PRDM6: variants seen among roughly 807,000 people sequenced by gnomAD.
The protein encoded by PRDM6 is PR/SET domain 6.
Under a neutral mutation model 60.8 loss-of-function variants are expected in PRDM6, and 25 were observed. That is an observed-to-expected ratio of 0.41 (90% CI 0.30 to 0.57). PRDM6 has a LOEUF of 0.57. Among genes scored for constraint, PRDM6 ranks in the 20% least tolerant of loss-of-function variants. PRDM6 has a pLI of 0.27. For missense variants in PRDM6, 839 were observed against 821.3 expected, an observed-to-expected ratio of 1.02 and a Z score of -0.26; for synonymous variants, 407 against 357.4, an observed-to-expected ratio of 1.14 and a Z score of -1.57.
In PRDM6 at chr5:123,183,765, G is replaced by A. The variant is rs142282228; in HGVS notation, c.1674-3322G>A. ...AGGAAGGAAGGAAATAAAGAAGTTA[G>A]TTGGCAGTCTAAAAATTATTCTATG... On this transcript the variant is annotated intron_variant, in intron 7 of 7. Transcript: ENST00000407847. Among the ~76,000 whole-genome samples the A allele has an allele frequency of 4.7e-3, 711 of 152,270 alleles. 6 individuals are homozygous for A. Among genetic ancestry groups the A allele is most frequent in the African/African-American group, 0.016 (683 of 41,548 alleles).
intron 3 of PRDM6, among the ~76,000 whole-genome samples, chr5:123,142,903 C>CAAAAAAAAAAAAAAAAAAAAAAAAA (rs1337695138): frequency 7.3e-5 from 5 of 68,128 alleles, no homozygotes; most frequent in Non-Finnish European, 1.1e-4. Context: ...AAAAAAAAAA[C>CAAAAAAAAAAAAAAAAAAAAAAAAA]AAACAAACCA....
chr5:123,183,216 T>C (rs973860632), intron 7 of PRDM6, among the ~76,000 whole-genome samples: 4 of 152,198 alleles, frequency 2.6e-5, no homozygotes, highest in African/African-American at 9.6e-5. Context: ...AACCCTCAAC[T>C]GTATGTCTTG....
At chr5:123,103,179 G>A (rs337124) in intron 3 of PRDM6, among the ~76,000 whole-genome samples, 14,219 of 151,912 alleles carry the variant, frequency 0.094, 866 homozygotes, top group East Asian at 0.26. Flanking sequence ...GGGTATTTAT[G>A]GGAAATTCCA....
At chr5:123,167,681 A>C (rs1451759186) in intron 5 of PRDM6, among the ~76,000 whole-genome samples, 2 of 152,146 alleles carry the variant, frequency 1.3e-5, no homozygotes, top group African/African-American at 2.4e-5. Context: ...GAGCCACCAC[A>C]TCCGGCTCAG....
intron 4 of PRDM6, 72 bp from the exon 5 acceptor site, chr5:123,159,442 G>T: frequency 6.7e-7 from 1 of 1,502,094 alleles, no homozygotes; most frequent in African/African-American, 1.4e-5. Context: ...CTTTTTCAGG[G>T]CAATAAAAAT....
intron 3 of PRDM6, among the ~76,000 whole-genome samples, chr5:123,102,017 A>T (rs1764115161): frequency 6.6e-6 from 1 of 152,220 alleles, no homozygotes; most frequent in Non-Finnish European, 1.5e-5. Context: ...CTCTGTTAGA[A>T]AAAAGACTTG....
rs565140451 is a variant in PRDM6, at chr5:123,102,612, C to G, written c.900+2651C>G. ...TTAGATGTCTTCCAGAATAGCAAGT[C>G]AACAAAATGTATTAAAAAAATTAAA... is the stretch of plus-strand genomic sequence containing the variant. On this transcript the variant is annotated intron_variant, in intron 3 of 7. Transcript: ENST00000407847. 4.6e-5 allele frequency among the ~76,000 whole-genome samples: 7 copies of G among 152,052 alleles called. No individual in the cohort carries two copies. In the East Asian group the frequency reaches 7.7e-4, roughly 17 times the overall value.
At chr5:123,175,606 T>A (rs555541273) in intron 6 of PRDM6, among the ~76,000 whole-genome samples, 1 of 152,294 alleles carries the variant, frequency 6.6e-6, no homozygotes, top group Admixed American at 6.5e-5. Flanking sequence ...TAGAACTGAG[T>A]TCTTTTCTCA....
chr5:123,106,639 T>C (rs573250646), intron 3 of PRDM6, among the ~76,000 whole-genome samples: 1 of 152,334 alleles, frequency 6.6e-6, no homozygotes, highest in Admixed American at 6.5e-5. Context: ...TGTGAAACTT[T>C]CATGGAAGTC....
intron 4 of PRDM6, among the ~76,000 whole-genome samples, chr5:123,158,957 T>C (rs1765568366): frequency 6.6e-6 from 1 of 152,190 alleles, no homozygotes; most frequent in Non-Finnish European, 1.5e-5. Flanking sequence ...ATTTATTGAA[T>C]TTCCATCCAT....
chr5:123,187,006 C>T, intron 7 of PRDM6, 81 bp from the exon 8 acceptor site: 5 of 1,040,936 alleles, frequency 4.8e-6, no homozygotes, highest in Middle Eastern at 4.8e-4. Flanking sequence ...AGTGTCTGTT[C>T]TGATTAGGCA....
Position 123,191,914 on chromosome 5 carries a change from C to T in PRDM6, c.*4713C>T, listed in dbSNP as rs901846071. 1.3e-5 allele frequency: 2 copies of T among 152,156 alleles called. No homozygotes were observed. Among genetic ancestry groups the T allele is most frequent in the Non-Finnish European group, 2.9e-5 (2 of 68,042 alleles). 9.4% of individuals were successfully genotyped at this position (152,156 alleles called of 1,614,324 possible). A position where few individuals can be genotyped will look rare whatever the true frequency, so the allele number is the denominator to read the frequency against. ...CAGATGTTTAACCTGTAGTCCATGG[C>T]TGTGTTTGACATTTAAAATATTTAT... On this transcript the variant is annotated 3_prime_UTR_variant, in exon 8 of 8. Coordinates refer to ENST00000407847, the MANE Select transcript of PRDM6 (RefSeq NM_001136239.4).
Position 123,187,240 on chromosome 5 carries a change from T to A in PRDM6, c.*39T>A. On this transcript the variant is annotated 3_prime_UTR_variant, in exon 8 of 8. Transcript: ENST00000407847. ...TGGAATTAAACTGCAAGGAAAGTCATGATTAAATGTCACGGACACTTAAGC... is the reference window on the plus strand; with the variant it reads ...TGGAATTAAACTGCAAGGAAAGTCAAGATTAAATGTCACGGACACTTAAGC... 2 of 1,460,808 alleles carry A rather than the reference T, an allele frequency of 1.4e-6. No individual in the cohort carries two copies. Among genetic ancestry groups the A allele is most frequent in the South Asian group, 2.4e-5 (2 of 81,932 alleles). The allele number at this position is 1,460,808 out of a possible 1,614,324, so 90.5% of individuals were successfully genotyped here.
At position 123,090,046 on chromosome 5, in the gene PRDM6, C is replaced by G. The variant is rs1378171995; in HGVS notation, c.32C>G (p.Ala11Gly). 1.3e-6 allele frequency: 2 copies of G among 1,548,214 alleles called. No homozygotes were observed. Among genetic ancestry groups the G allele is most frequent in the African/African-American group, 1.4e-5 (1 of 72,726 alleles). Residue 11 changes from alanine to glycine, a missense_variant, in exon 2 of 8, where the codon GCC (alanine) becomes GGC (glycine). By Grantham distance (60) the Ala-to-Gly change is moderately conservative (BLOSUM62 0). Around this residue, in one of 2 missense-constraint regions of PRDM6, gnomAD observed 730 missense variants for 648.8 expected, o/e 1.13. Transcript: ENST00000407847. Reference protein sequence around the residue: MLKPGDPGGSAFLKVDPAYLQ... With the variant: MLKPGDPGGSGFLKVDPAYLQ... ...AAGCCCGGAGACCCCGGCGGTTCGGCCTTCCTCAAAGTGGACCCAGCCTAC... is the reference window on the plus strand; with the variant it reads ...AAGCCCGGAGACCCCGGCGGTTCGGGCTTCCTCAAAGTGGACCCAGCCTAC...
intron 3 of PRDM6, among the ~76,000 whole-genome samples, chr5:123,148,888 G>T (rs1213529630): frequency 6.6e-6 from 1 of 152,144 alleles, no homozygotes; most frequent in Non-Finnish European, 1.5e-5. Context: ...TAACATGGTG[G>T]CCTATGATTC....
intron 3 of PRDM6, among the ~76,000 whole-genome samples, 178 bp downstream of exon 3, chr5:123,100,139 C>T (rs1040443973): frequency 6.6e-6 from 1 of 152,190 alleles, no homozygotes; most frequent in Non-Finnish European, 1.5e-5. Flanking sequence ...GTGTCTGAAG[C>T]ACCTGCAGTA....
chr5:123,172,566 A>G (rs1765917210), intron 6 of PRDM6, among the ~76,000 whole-genome samples: 1 of 152,224 alleles, frequency 6.6e-6, no homozygotes, highest in Admixed American at 6.5e-5. Flanking sequence ...GTAGAACCTC[A>G]AGATATGTCT....
chr5:123,089,982 CCTGCCCT>C lies in PRDM6; in HGVS notation c.-15-11_-15-5del, dbSNP rs1561790749. On this transcript the variant is annotated splice_polypyrimidine_tract_variant and intron_variant, in intron 1 of 7. Transcript: ENST00000407847. ...CGCCCAGCTCACGCGCCCCCTCTTC[CCTGCCCT>C]CTGCCCCCAGTTCGAGGCGCCGGAC... 7.2e-6 allele frequency: 11 copies of C among 1,526,016 alleles called. No homozygotes were observed. Among genetic ancestry groups the C allele is most frequent in the Admixed American group, 5.9e-5 (3 of 50,616 alleles). The allele number at this position is 1,526,016 out of a possible 1,614,324, so 94.5% of individuals were successfully genotyped here.
rs1766367677 is a variant in PRDM6 at position 123,189,680 on chromosome 5, A to G, written c.*2479A>G. The G allele has an allele frequency of 1.3e-5, 2 of 152,172 alleles. No homozygotes were observed. The highest frequency in any genetic ancestry group is 6.5e-5 in the Admixed American group (1 of 15,280). 9.4% of individuals were successfully genotyped at this position (152,172 alleles called of 1,614,324 possible). A position where few individuals can be genotyped will look rare whatever the true frequency, so the allele number is the denominator to read the frequency against. On this transcript the variant is annotated 3_prime_UTR_variant, in exon 8 of 8. Coordinates refer to ENST00000407847, the MANE Select transcript of PRDM6 (RefSeq NM_001136239.4). ...ATTCCACCAAATTTGGTCAGAAAAT[A>G]TTTTCTGCCTAACAAATAGAAAATT...
Sources: allele counts gnomAD v4.1 joint callset (sites outside exome capture counted in the v4.1 genomes callset), GRCh38; gene constraint gnomAD v4.1.1; regional missense constraint gnomAD v4.1.1; transcripts MANE v1.5; gene names NCBI Gene and HGNC (gene_info 2026-07-23, HGNC 2026-07-21).